The following TMEM74 variants were observed in gnomAD, a reference collection of about 807,000 sequenced individuals.
TMEM74 encodes transmembrane protein 74.
TMEM74 carries 13 observed loss-of-function variants against 18.1 expected under a neutral mutation model. The observed-to-expected ratio is 0.72, with a 90% CI of 0.47 to 1.14. The LOEUF is 1.14. Among genes scored for constraint, TMEM74 ranks in the 50% most tolerant of loss-of-function variants. The pLI is 0.00. For synonymous variants in TMEM74, 159 were observed against 146.6 expected (o/e 1.08, Z -0.61); for missense variants, 372 against 375.9 (o/e 0.99, Z 0.09).
chr8:108,617,565 G>C (rs185455169), intron 2 of TMEM74, among the ~76,000 whole-genome samples: 1 of 152,064 alleles, frequency 6.6e-6, no homozygotes, highest in African/African-American at 2.4e-5. Flanking sequence ...AAGGCTTCTT[G>C]GTTTTATAGG....
intron 1 of TMEM74, among the ~76,000 whole-genome samples, chr8:108,680,515 C>A (rs942075755): frequency 6.6e-6 from 1 of 152,124 alleles, no homozygotes; most frequent in African/African-American, 2.4e-5. Flanking sequence ...TGGGATGTAT[C>A]TCAAAATAAT....
At chr8:108,632,631 G>A (rs539651998) in intron 2 of TMEM74, among the ~76,000 whole-genome samples, 1 of 152,106 alleles carries the variant, frequency 6.6e-6, no homozygotes, top group Non-Finnish European at 1.5e-5. Flanking sequence ...TTGGGAGTTA[G>A]GATTCATTCA....
At chr8:108,610,813 G>C (rs1812327172) in intron 2 of TMEM74, among the ~76,000 whole-genome samples, 1 of 152,218 alleles carries the variant, frequency 6.6e-6, no homozygotes, top group South Asian at 2.1e-4. Context: ...CTCTGAATAA[G>C]TTGTATGAGA....
At chr8:108,744,147 C>T (rs973065641) in intron 1 of TMEM74, among the ~76,000 whole-genome samples, 1 of 152,124 alleles carries the variant, frequency 6.6e-6, no homozygotes, top group African/African-American at 2.4e-5. Context: ...AAGAGCTTGC[C>T]GGGTGGCAAA....
intron 2 of TMEM74, among the ~76,000 whole-genome samples, chr8:108,634,373 A>G (rs930372450): frequency 6.6e-6 from 1 of 151,932 alleles, no homozygotes; most frequent in African/African-American, 2.4e-5. Context: ...TTTAGCTTAT[A>G]TGTTCAACCA....
At chr8:108,710,760 G>T (rs1395066222) in intron 1 of TMEM74, among the ~76,000 whole-genome samples, 3 of 152,168 alleles carry the variant, frequency 2.0e-5, no homozygotes, top group Admixed American at 6.5e-5. Flanking sequence ...GCGGAGCTGT[G>T]TTCTGGCTCC....
rs912319004 is a variant in TMEM74, at chr8:108,642,002, T to C, written n.264+13291A>G. Among the ~76,000 whole-genome samples, 3 of 152,298 alleles carry C rather than the reference T, an allele frequency of 2.0e-5. 1 individual carries two copies. Among genetic ancestry groups the C allele is most frequent in the Admixed American group, 2.0e-4 (3 of 15,294 alleles). On this transcript the variant is annotated intron_variant and non_coding_transcript_variant, in intron 2 of 3. Coordinates refer to the TMEM74 transcript ENST00000518838. Reference sequence around the variant, plus strand: ...ACAGTGAAGGATCAGTAAGTGTTAGTAAATGTAATGATTAGTAATCATCAT... The same window carrying C: ...ACAGTGAAGGATCAGTAAGTGTTAGCAAATGTAATGATTAGTAATCATCAT...
intron 1 of TMEM74, among the ~76,000 whole-genome samples, chr8:108,717,989 C>T (rs1176777360): frequency 1.5e-4 from 7 of 47,344 alleles, no homozygotes; most frequent in Non-Finnish European, 1.9e-4. Flanking sequence ...GACGGAGTCT[C>T]GCTCTGTCAC....
intron 1 of TMEM74, among the ~76,000 whole-genome samples, chr8:108,709,868 C>A (rs1813457934): frequency 6.6e-6 from 1 of 152,122 alleles, no homozygotes; most frequent in Non-Finnish European, 1.5e-5. Flanking sequence ...CTTTGTATAT[C>A]AATCATATTT....
rs117217117 is a variant in TMEM74, at chr8:108,703,539, C to A, written n.120-48102G>T. Among the ~76,000 whole-genome samples, 584 of 152,180 alleles carry A rather than the reference C, an allele frequency of 3.8e-3. 2 individuals are homozygous for A. Among genetic ancestry groups the A allele is most frequent in the Non-Finnish European group, 6.0e-3 (408 of 68,008 alleles). ...GAAGAAGGGTGTAAAGATAAGAGAG[C>A]TACAGATGTACAGAACTGCATTAGG... is the stretch of plus-strand genomic sequence containing the variant. On this transcript the variant is annotated intron_variant and non_coding_transcript_variant, in intron 1 of 3. Transcript: ENST00000518838.
At chr8:108,667,328 A>G (rs902199304) in intron 1 of TMEM74, among the ~76,000 whole-genome samples, 4 of 152,192 alleles carry the variant, frequency 2.6e-5, no homozygotes, top group African/African-American at 9.6e-5. Flanking sequence ...AAGATAGAAT[A>G]TTATAGTAAA....
rs760545466 is a variant in TMEM74 at position 108,661,378 on chromosome 8, C to CTTTTTT, written n.120-5947_120-5942dup. Among the ~76,000 whole-genome samples the CTTTTTT allele has an allele frequency of 6.2e-3, 540 of 86,698 alleles. 4 individuals carry two copies. Among genetic ancestry groups the CTTTTTT allele is most frequent in the African/African-American group, 7.6e-3 (176 of 23,200 alleles). 56.9% of individuals were successfully genotyped at this position (86,698 alleles called of 152,430 possible). ...TATCTTTTTCCTCTCCCTTGCAGCTCTTTTTTTTTTTTTTTTTTTTTTTCT... is the reference window on the plus strand; with the variant it reads ...TATCTTTTTCCTCTCCCTTGCAGCTCTTTTTTTTTTTTTTTTTTTTTTTTTTTTTCT... On this transcript the variant is annotated intron_variant and non_coding_transcript_variant, in intron 1 of 3. Transcript: ENST00000518838.
At chr8:108,683,031 A>G (rs542501930) in intron 1 of TMEM74, among the ~76,000 whole-genome samples, 2 of 152,048 alleles carry the variant, frequency 1.3e-5, no homozygotes, top group Admixed American at 1.3e-4. Context: ...GACAGATGGT[A>G]AAAATAACTT....
chr8:108,675,524 C>T (rs889273425), intron 1 of TMEM74, among the ~76,000 whole-genome samples: 1 of 152,158 alleles, frequency 6.6e-6, no homozygotes, highest in East Asian at 1.9e-4. Flanking sequence ...GAGTACCCAG[C>T]GACTCACAAA....
intron 1 of TMEM74, among the ~76,000 whole-genome samples, chr8:108,753,116 T>C (rs570043814): frequency 6.6e-6 from 1 of 152,230 alleles, no homozygotes; most frequent in East Asian, 1.9e-4. Context: ...CATCTCTTAA[T>C]TTGCTGGAGT....
chr8:108,623,745 G>T lies in TMEM74; in HGVS notation n.265-14919C>A, dbSNP rs545055980. On this transcript the variant is annotated intron_variant and non_coding_transcript_variant, in intron 2 of 3. Transcript: ENST00000518838. ...TTTTGATGCTTTCCTCTAACCCAGT[G>T]GTTCTCAAAGAGCCAGAATGTCCCC... 1.4e-4 allele frequency among the ~76,000 whole-genome samples: 22 copies of T among 152,086 alleles called. No individual in the cohort carries two copies. The South Asian group carries it at 1.5e-3, about 10-fold the overall frequency.
intron 1 of TMEM74, among the ~76,000 whole-genome samples, chr8:108,718,019 C>A (rs1440841418): frequency 1.8e-5 from 1 of 55,038 alleles, no homozygotes; most frequent in South Asian, 8.1e-4. Context: ...AGTGCAGTGG[C>A]GGGATCTCGG....
At chr8:108,748,660 A>G (rs1283351697) in intron 1 of TMEM74, among the ~76,000 whole-genome samples, 2 of 142,140 alleles carry the variant, frequency 1.4e-5, no homozygotes, top group African/African-American at 2.6e-5. Flanking sequence ...ATGGTATGGT[A>G]TTGCCATAGG....
At chr8:108,700,393 C>T (rs1282281902) in intron 1 of TMEM74, among the ~76,000 whole-genome samples, 1 of 152,062 alleles carries the variant, frequency 6.6e-6, no homozygotes, top group Non-Finnish European at 1.5e-5. Flanking sequence ...CTCTGGGCTG[C>T]TCTTGGTGTA....
Sources: allele counts gnomAD v4.1 joint callset (sites outside exome capture counted in the v4.1 genomes callset), GRCh38; gene constraint gnomAD v4.1.1; transcripts MANE v1.5; gene names NCBI Gene and HGNC (gene_info 2026-07-23, HGNC 2026-07-21).